ERGIC1: variants seen among roughly 807,000 people sequenced by gnomAD.
ERGIC1 encodes the protein endoplasmic reticulum-golgi intermediate compartment 1, also known as endoplasmic reticulum-Golgi intermediate compartment protein 1.
A neutral mutation model predicts 38.3 loss-of-function variants in ERGIC1; 19 were observed. The observed-to-expected ratio is 0.50, with a 90% confidence interval of 0.35 to 0.73. ERGIC1 has a LOEUF of 0.73. Ranked by LOEUF, ERGIC1 falls within the 30% of genes least tolerant of loss-of-function variation. ERGIC1 has a pLI of 0.01. For missense variants in ERGIC1, 294 were observed against 389.2 expected, an observed-to-expected ratio of 0.76 and a Z score of 2.06; for synonymous variants, 124 against 157.6, an observed-to-expected ratio of 0.79 and a Z score of 1.60.
At position 172,834,574 on chromosome 5, in the gene ERGIC1, A is replaced by T; in HGVS notation, c.20+141A>T. The stretch of plus-strand genomic sequence containing the variant: ...GCCTCCGCAGGCCCCTAGGGACCCC[A>T]GGCGAGCCCCCCCCCTGCCGCACAC... On this transcript the variant is annotated intron_variant, in intron 1 of 9. Coordinates refer to ENST00000393784, the MANE Select transcript of ERGIC1 (RefSeq NM_001031711.3). The surrounding 1 kb of genome is among the most constrained non-coding windows in gnomAD (Gnocchi z 4.1). The T allele has an allele frequency of 2.9e-6, 2 of 691,932 alleles. No individual in the cohort carries two copies. Among genetic ancestry groups the T allele is most frequent in the Non-Finnish European group, 1.8e-6 (1 of 550,504 alleles). The allele number at this position is 691,932 out of a possible 1,614,324, so 42.9% of individuals were successfully genotyped here. A position where few individuals can be genotyped will look rare whatever the true frequency, so the allele number is the denominator to read the frequency against.
intron 1 of ERGIC1, among the ~76,000 whole-genome samples, chr5:172,874,314 C>T (rs1762090949): frequency 6.6e-6 from 1 of 152,140 alleles, no homozygotes; most frequent in Non-Finnish European, 1.5e-5. Context: ...CTCCTGATGT[C>T]AGATGATCCA....
chr5:172,950,640 G>A, intron 9 of ERGIC1, 69 bp from the exon 10 acceptor site: 3 of 1,372,754 alleles, frequency 2.2e-6, no homozygotes, highest in Non-Finnish European at 3.1e-6. Flanking sequence ...TGATGTGGGA[G>A]GGGTCTGGCC....
At chr5:172,867,130 C>T in intron 1 of ERGIC1, 2 of 449,648 alleles carry the variant, frequency 4.4e-6, no homozygotes, top group Non-Finnish European at 9.0e-6. Context: ...GCTCTGCAAG[C>T]CAAGGGTTTG....
rs548099331 is a variant in ERGIC1, at chr5:172,926,732, C to T, written c.541+163C>T. The T allele has an allele frequency of 1.3e-6, 1 of 745,616 alleles. No homozygotes were observed. Among genetic ancestry groups the T allele is most frequent in the East Asian group, 2.7e-5 (1 of 37,146 alleles). 46.2% of individuals were successfully genotyped at this position (745,616 alleles called of 1,614,324 possible). ...CACAGCTAACCAGTGGGAAGGTGGA[C>T]CCAGCCCCGTCCAGACCCAGACCCT... On this transcript the variant is annotated intron_variant, in intron 7 of 9. Coordinates refer to ENST00000393784, the MANE Select transcript of ERGIC1 (RefSeq NM_001031711.3). This position sits in a 1 kb window ranked among gnomAD's most constrained non-coding sequence, Gnocchi z 5.2.
At chr5:172,919,884 C>T (rs1187416033) in intron 5 of ERGIC1, among the ~76,000 whole-genome samples, 1 of 152,178 alleles carries the variant, frequency 6.6e-6, no homozygotes, top group African/African-American at 2.4e-5. Context: ...ACCAGCCTTT[C>T]TTAGACCCGC....
At chr5:172,885,337 C>T (rs1307080662) in intron 1 of ERGIC1, among the ~76,000 whole-genome samples, 4 of 151,646 alleles carry the variant, frequency 2.6e-5, no homozygotes, top group African/African-American at 9.7e-5. Flanking sequence ...TCTCTCTATG[C>T]TGCCCAGGCT....
chr5:172,913,350 A>G (rs556707944), intron 4 of ERGIC1, among the ~76,000 whole-genome samples: 83 of 152,364 alleles, frequency 5.4e-4, no homozygotes, highest in African/African-American at 2.0e-3. Context: ...ATCTGGACAC[A>G]CATTGTGGAT....
At chr5:172,845,549 G>A (rs792968) in intron 1 of ERGIC1, among the ~76,000 whole-genome samples, 4,423 of 152,302 alleles carry the variant, frequency 0.029, 104 homozygotes, top group African/African-American at 0.056. Flanking sequence ...CATTCTAGAA[G>A]CTGGGGACAT....
chr5:172,920,713 C>T (rs1763489729), intron 5 of ERGIC1: 2 of 477,296 alleles, frequency 4.2e-6, no homozygotes, highest in Non-Finnish European at 7.7e-6. Context: ...AGGGGACAGC[C>T]TTCTTGACTC....
At chr5:172,937,461 T>A (rs891611228) in intron 9 of ERGIC1, 1 of 151,792 alleles carries the variant, frequency 6.6e-6, no homozygotes, top group Admixed American at 6.6e-5. Flanking sequence ...AGGCCAGGAG[T>A]TTGAAACCAG....
intron 1 of ERGIC1, among the ~76,000 whole-genome samples, chr5:172,835,532 G>A (rs1053092012): frequency 2.7e-4 from 41 of 152,260 alleles, no homozygotes; most frequent in African/African-American, 9.4e-4. Flanking sequence ...GTGGATGGGG[G>A]GTGTTCTCCA....
At chr5:172,888,824 G>C (rs1032602592) in intron 2 of ERGIC1, 64 bp downstream of exon 2, 103 of 1,414,322 alleles carry the variant, frequency 7.3e-5, no homozygotes, top group Non-Finnish European at 8.5e-5. Context: ...TGCTCTCTCT[G>C]TGCAGATCAT....
chr5:172,912,376 G>A lies in ERGIC1; in HGVS notation c.251-2338G>A, dbSNP rs562660966. ...ACTGATAATATTATCTTCCCCACAGGGGTGTTTAAATGGTGTTTTGTTTTG... is the reference window on the plus strand; with the variant it reads ...ACTGATAATATTATCTTCCCCACAGAGGTGTTTAAATGGTGTTTTGTTTTG... On this transcript the variant is annotated intron_variant, in intron 4 of 9. Coordinates refer to ENST00000393784, the MANE Select transcript of ERGIC1 (RefSeq NM_001031711.3). Among the ~76,000 whole-genome samples, 12 of 152,234 alleles carry A rather than the reference G, an allele frequency of 7.9e-5. No homozygotes were observed. In the South Asian group the frequency reaches 2.5e-3, roughly 32 times the overall value.
chr5:172,893,898 T>TACAC (rs371549185), intron 2 of ERGIC1, among the ~76,000 whole-genome samples: 3,167 of 38,042 alleles, frequency 0.083, 399 homozygotes, highest in East Asian at 0.17. Flanking sequence ...TATATATATA[T>TACAC]ATATATATGT....
intron 1 of ERGIC1, among the ~76,000 whole-genome samples, chr5:172,883,019 A>G (rs1762323172): frequency 6.6e-6 from 1 of 152,124 alleles, no homozygotes; most frequent in Admixed American, 6.5e-5. Flanking sequence ...TGTAGCCTCA[A>G]TCTTCTGGTC....
chr5:172,889,235 G>C (rs979273680), intron 2 of ERGIC1, among the ~76,000 whole-genome samples: 2 of 151,186 alleles, frequency 1.3e-5, no homozygotes, highest in African/African-American at 4.9e-5. Flanking sequence ...AGTGAGCCGA[G>C]ATCACACCAT....
chr5:172,942,264 C>T (rs1764027207), intron 9 of ERGIC1, among the ~76,000 whole-genome samples: 2 of 152,088 alleles, frequency 1.3e-5, no homozygotes, highest in East Asian at 1.9e-4. Flanking sequence ...GAAGGTTCTA[C>T]CCACTAAGAT....
At chr5:172,840,641 A>G (rs1278561051) in intron 1 of ERGIC1, among the ~76,000 whole-genome samples, 1 of 152,142 alleles carries the variant, frequency 6.6e-6, no homozygotes, top group Non-Finnish European at 1.5e-5. Context: ...CGTCCCACCC[A>G]TCACTCCTGC....
chr5:172,872,651 G>C (rs1031712094), intron 1 of ERGIC1, among the ~76,000 whole-genome samples: 3 of 152,006 alleles, frequency 2.0e-5, no homozygotes, highest in South Asian at 2.1e-4. Flanking sequence ...CCTGCCTCTA[G>C]TAAAAATTCC....
Sources: allele counts gnomAD v4.1 joint callset (sites outside exome capture counted in the v4.1 genomes callset), GRCh38; gene constraint gnomAD v4.1.1; non-coding constraint Gnocchi (gnomAD v3.1); transcripts MANE v1.5; gene names NCBI Gene and HGNC (gene_info 2026-07-23, HGNC 2026-07-21).